The following ZFP64 variants were observed in gnomAD, a reference collection of about 807,000 sequenced individuals.
ZFP64 encodes zinc finger protein 64.
A neutral mutation model predicts 51.6 loss-of-function variants in ZFP64; 14 were observed. That is an observed-to-expected ratio of 0.27 (90% CI 0.18 to 0.42). The LOEUF is 0.42. ZFP64 is among the 10% of genes least tolerant of loss of function. ZFP64 has a pLI of 1.00. For missense variants in ZFP64, 754 were observed against 906.8 expected (o/e 0.83, Z 2.16); for synonymous variants, 375 against 361.4 (o/e 1.04, Z -0.43).
At chr20:52,156,590 C>A (rs1052053558) in intron 5 of ZFP64, among the ~76,000 whole-genome samples, 1 of 152,230 alleles carries the variant, frequency 6.6e-6, no homozygotes, top group East Asian at 1.9e-4. Flanking sequence ...CGCATGGGAA[C>A]CAGAAAAAGC....
chr20:52,174,473 G>T (rs1377479088), intron 2 of ZFP64, among the ~76,000 whole-genome samples: 1 of 125,686 alleles, frequency 8.0e-6, no homozygotes, highest in East Asian at 2.3e-4. Flanking sequence ...ACAGAGTGAG[G>T]CTCCATCTCA....
rs971274349 is a variant in ZFP64, at chr20:52,176,663, C to T, written c.286+10169G>A. Among the ~76,000 whole-genome samples, 20 of 151,912 alleles carry T rather than the reference C, an allele frequency of 1.3e-4. No homozygotes were observed. The East Asian group carries it at 3.7e-3, about 28-fold the overall frequency. On this transcript the variant is annotated intron_variant, in intron 2 of 5. Coordinates refer to ENST00000216923, the MANE Select transcript of ZFP64 (RefSeq NM_018197.3). ...TAGCTGGGACTACAGGCGCCCGCCA[C>T]CGCGCCCGGCTAATTTTTTGTATTT...
intron 2 of ZFP64, among the ~76,000 whole-genome samples, chr20:52,171,350 T>C (rs1982698038): frequency 6.6e-6 from 1 of 151,894 alleles, no homozygotes; most frequent in South Asian, 2.1e-4. Context: ...CCAGGGGGTG[T>C]GTGTGCATAT....
chr20:52,115,412 CT>C (rs764698548), intron 5 of ZFP64, among the ~76,000 whole-genome samples: 17,680 of 123,960 alleles, frequency 0.14, 698 homozygotes, highest in Non-Finnish European at 0.18. Context: ...CTCGCTACAG[CT>C]TTTTTTTTTT....
intron 5 of ZFP64, among the ~76,000 whole-genome samples, chr20:52,115,302 GAT>G (rs1978806650): frequency 6.7e-6 from 1 of 149,480 alleles, no homozygotes; most frequent in Non-Finnish European, 1.5e-5. Flanking sequence ...GGCCCACATA[GAT>G]ATATAGATCT....
chr20:52,152,712 C>T lies in ZFP64; in HGVS notation c.1480G>A (p.Glu494Lys), dbSNP rs746801245. The change falls in exon 6 of 6, where the codon GAG becomes AAG. Residue 494 changes from glutamate to lysine, a missense_variant. Physicochemically the swap from Glu to Lys is moderately conservative, Grantham distance 56. This residue lies in a region of ZFP64 where 428 missense variants were observed against 472.4 expected (regional missense o/e 0.91). Transcript: ENST00000216923. ...LQPSQVPQFSEGRVKIIVGHQ... is the reference protein window; with the variant it reads ...LQPSQVPQFSKGRVKIIVGHQ... ...CCAACGATGATTTTGACTCTTCCCT[C>T]GCTGAACTGGGGCACTTGGCTGGGC... 6.4e-7 allele frequency: 1 copy of T among 1,561,504 alleles called. No individual in the cohort carries two copies. The highest frequency in any genetic ancestry group is 2.3e-5 in the East Asian group (1 of 44,356).
At chr20:52,165,015 T>G (rs530277966) in intron 3 of ZFP64, 1 of 618,692 alleles carries the variant, frequency 1.6e-6, no homozygotes, top group African/African-American at 1.8e-5. Context: ...TTGACAAAAA[T>G]CACTGGCCTA....
chr20:52,084,689 G>T, exon 9 of ZFP64: 1 of 1,614,240 alleles, frequency 6.2e-7, no homozygotes. Context: ...TCTGATCACT[G>T]TGCTGCTTCT....
At chr20:52,165,221 A>T (rs1000541652) in intron 3 of ZFP64, 3 of 456,666 alleles carry the variant, frequency 6.6e-6, no homozygotes, top group Non-Finnish European at 1.3e-5. Flanking sequence ...GACTAAGGTC[A>T]GTAGGTTAGA....
chr20:52,182,463 A>G (rs559812070), intron 2 of ZFP64, among the ~76,000 whole-genome samples: 25 of 152,332 alleles, frequency 1.6e-4, no homozygotes, highest in Non-Finnish European at 3.2e-4. Context: ...TCATGCCTGT[A>G]ATCCCAGCAC....
chr20:52,104,940 G>A (rs976813280), intron 5 of ZFP64: 9 of 700,596 alleles, frequency 1.3e-5, no homozygotes, highest in South Asian at 3.6e-5. Context: ...GGAAGGGGAC[G>A]GTGGACTCCA....
At chr20:52,147,736 C>A (rs1026746942), downstream of ZFP64, among the ~76,000 whole-genome samples, 1 of 152,040 alleles carries the variant, frequency 6.6e-6, no homozygotes, top group Non-Finnish European at 1.5e-5. Flanking sequence ...AACACAGGAC[C>A]GGGCACCGTG....
At chr20:52,166,155 G>T in intron 2 of ZFP64, 130 bp from the exon 3 acceptor site, 1 of 809,990 alleles carries the variant, frequency 1.2e-6, no homozygotes, top group Non-Finnish European at 1.8e-6. Context: ...GCTTCACAGT[G>T]ATCATGTGAC....
At chr20:52,125,083 C>A (rs1194693933) in intron 5 of ZFP64, among the ~76,000 whole-genome samples, 5 of 152,178 alleles carry the variant, frequency 3.3e-5, no homozygotes, top group African/African-American at 7.2e-5. Context: ...GTGTCCTTTA[C>A]AAGGGCAAGG....
At position 52,101,392 on chromosome 20, in the gene ZFP64, G is replaced by A. The variant is rs112999914; in HGVS notation, c.764-2805C>T. 3.0e-3 allele frequency among the ~76,000 whole-genome samples: 449 copies of A among 151,636 alleles called. 4 individuals carry two copies. Among genetic ancestry groups the A allele is most frequent in the African/African-American group, 0.01 (425 of 41,316 alleles). Reference sequence around the variant, plus strand: ...CCAGGGACTTGCGATTTTTTTTTGAGACAAGGTCTCGCTGTCACCCAGGCT... The same window carrying A: ...CCAGGGACTTGCGATTTTTTTTTGAAACAAGGTCTCGCTGTCACCCAGGCT... On this transcript the variant is annotated intron_variant, in intron 5 of 8. Transcript: ENST00000361387.
chr20:52,090,317 T>C (rs1337599554), intron 7 of ZFP64, among the ~76,000 whole-genome samples: 1 of 152,140 alleles, frequency 6.6e-6, no homozygotes, highest in Non-Finnish European at 1.5e-5. Context: ...ACTGTTTTAA[T>C]AGAATCTTAT....
rs779357788 is a variant in ZFP64 at position 52,152,417 on chromosome 20, C to T, written c.1775G>A (p.Gly592Asp). ...ATTGCCAGAGCCTTCCTGGGGGCCA[C>T]CTGAGGCCGTGGGGATGAGAGTCTG... is the stretch of plus-strand genomic sequence containing the variant. ...LHQTLIPTAS[G>D]GPQEGSGNQT... Residue 592 changes from glycine (G) to aspartate (D), a missense_variant, in exon 6 of 6, where the codon GGT becomes GAT. By Grantham distance (94) the Gly-to-Asp change is moderately conservative (BLOSUM62 -1). Coordinates refer to ENST00000216923, the MANE Select transcript of ZFP64 (RefSeq NM_018197.3). The T allele has an allele frequency of 4.3e-6, 7 of 1,614,076 alleles. No individual in the cohort carries two copies.
At chr20:52,139,201 T>G (rs1002101098) in intron 5 of ZFP64, among the ~76,000 whole-genome samples, 4 of 152,156 alleles carry the variant, frequency 2.6e-5, no homozygotes, top group Admixed American at 2.6e-4. Flanking sequence ...CAAAGACACA[T>G]GCACGCATAC....
chr20:52,117,642 A>G (rs142582532), intron 5 of ZFP64: 358 of 456,580 alleles, frequency 7.8e-4, no homozygotes, highest in Non-Finnish European at 1.0e-3. Flanking sequence ...ACAAAACACA[A>G]AAAAGAAGAT....
Sources: allele counts gnomAD v4.1 joint callset (sites outside exome capture counted in the v4.1 genomes callset), GRCh38; gene constraint gnomAD v4.1.1; regional missense constraint gnomAD v4.1.1; transcripts MANE v1.5; gene names NCBI Gene and HGNC (gene_info 2026-07-23, HGNC 2026-07-21).